CNTNAP1: variants seen among roughly 807,000 people sequenced by gnomAD.
CNTNAP1 encodes the protein contactin associated protein 1.
In CNTNAP1, 80 loss-of-function variants were observed where a neutral mutation model predicts 161.5. The observed-to-expected ratio is 0.50, with a 90% CI of 0.41 to 0.60. The LOEUF (loss-of-function observed/expected upper bound fraction) is 0.60, where lower values mean the gene tolerates loss of function less well. CNTNAP1 is among the 20% of genes least tolerant of loss of function. CNTNAP1 has a pLI of 0.00. For synonymous variants in CNTNAP1, 695 were observed against 733.1 expected (o/e 0.95, Z 0.84); for missense variants, 1,464 against 1,854.8 (o/e 0.79, Z 3.87).
intron 20 of CNTNAP1, 64 bp from the exon 21 acceptor site, chr17:42,697,210 C>T (rs1397223763): frequency 8.8e-7 from 1 of 1,131,772 alleles, no homozygotes; most frequent in East Asian, 2.3e-5. Flanking sequence ...CCAGTCCAGC[C>T]CACAGGCATC....
chr17:42,689,692 C>T, intron 11 of CNTNAP1, 65 bp downstream of exon 11: 1 of 1,331,700 alleles, frequency 7.5e-7, no homozygotes, highest in Non-Finnish European at 1.1e-6. Flanking sequence ...TGCTGGGGAT[C>T]ATCAGGCTGC....
At chr17:42,686,697 G>T (rs1790195274) in intron 6 of CNTNAP1, among the ~76,000 whole-genome samples, 2 of 152,216 alleles carry the variant, frequency 1.3e-5, no homozygotes, top group South Asian at 4.1e-4. Flanking sequence ...TTGCCCAAGG[G>T]CGTGCAGCCG....
chr17:42,683,042 C>G, intron 1 of CNTNAP1, 146 bp downstream of exon 1: 1 of 779,702 alleles, frequency 1.3e-6, no homozygotes, highest in Admixed American at 2.9e-5. Flanking sequence ...CTGCCTCTCC[C>G]CCGCGCTCCG....
Position 42,685,857 on chromosome 17 carries a change from T to G in CNTNAP1, c.716-100T>G. 1.6e-6 allele frequency: 2 copies of G among 1,276,986 alleles called. No homozygotes were observed. The highest frequency in any genetic ancestry group is 4.3e-5 in the Admixed American group (2 of 46,650). 79.1% of individuals were successfully genotyped at this position (1,276,986 alleles called of 1,614,324 possible). On this transcript the variant is annotated intron_variant, in intron 5 of 23. Transcript: ENST00000264638. The surrounding 1 kb of genome is among the most constrained non-coding windows in gnomAD (Gnocchi z 5.0). ...TGATCTATTCGCCCACTCTCCCTGA[T>G]TGCCCTGGGCTTTGTTACACGCTGC...
chr17:42,689,713 G>A (rs1354630091), intron 11 of CNTNAP1, 86 bp downstream of exon 11: 45 of 1,105,336 alleles, frequency 4.1e-5, no homozygotes, highest in Admixed American at 3.7e-4. Flanking sequence ...TAGAGATGGC[G>A]AGGATGGCCC....
Position 42,692,638 on chromosome 17 carries a change from A to G in CNTNAP1, c.2670A>G (p.Arg890=). 7 of 1,614,182 alleles carry G rather than the reference A, an allele frequency of 4.3e-6. No individual in the cohort carries two copies. The South Asian group carries it at 7.7e-5, about 18-fold the overall frequency. The part of the protein sequence containing the change: ...AEINVKQARL[R]VDHRPWVLRP... ...TCAACGTGAAGCAGGCCCGGCTCCG[A>G]GTGGATCACCGGCCCTGGGTTCTGC... Residue 890 remains arginine (R), a synonymous_variant, in exon 17 of 24, where the codon CGA becomes CGG. Coordinates refer to ENST00000264638, the MANE Select transcript of CNTNAP1 (RefSeq NM_003632.3).
rs377605075 is a variant in CNTNAP1, at chr17:42,696,126, C to T, written c.3448C>T (p.Arg1150Cys). The T allele has an allele frequency of 5.6e-6, 9 of 1,614,008 alleles. No homozygotes were observed. The highest frequency in any genetic ancestry group is 7.6e-6 in the Non-Finnish European group (9 of 1,180,032). The part of the protein sequence containing the change: ...DGQPHSINIT[R>C]VYRNLFIQVD... Reference sequence around the variant, plus strand: ...CCAGCCCCATAGCATCAATATCACCCGTGTTTACCGGAACCTCTTCATCCA... The same window carrying T: ...CCAGCCCCATAGCATCAATATCACCTGTGTTTACCGGAACCTCTTCATCCA... The change falls in exon 20 of 24, where the codon CGT (arginine) becomes TGT (cysteine). Residue 1150 changes from arginine to cysteine, a missense_variant. Arg to Cys is a radical substitution (Grantham distance 180). Around this residue, in one of 3 missense-constraint regions of CNTNAP1, gnomAD observed 1,383 missense variants for 1,765.0 expected, o/e 0.78. Coordinates refer to ENST00000264638, the MANE Select transcript of CNTNAP1 (RefSeq NM_003632.3).
In CNTNAP1 at chr17:42,686,212, C is replaced by CCTTTCT; in HGVS notation, c.900+76_900+81dup. On this transcript the variant is annotated intron_variant, in intron 6 of 23. Transcript: ENST00000264638. ...ATGAGTGAGTGCAGGTCGGTCTCTC[C>CCTTTCT]CTTTCTCTTTTCCTCTGTCTCTCAG... is the stretch of plus-strand genomic sequence containing the variant. 7 of 1,474,318 alleles carry CCTTTCT rather than the reference C, an allele frequency of 4.7e-6. No individual in the cohort carries two copies. In the East Asian group the frequency reaches 1.6e-4, roughly 34 times the overall value. 91.3% of individuals were successfully genotyped at this position (1,474,318 alleles called of 1,614,324 possible).
chr17:42,687,461 A>G lies in CNTNAP1; in HGVS notation c.1045-259A>G. ...TCCAAAATTGCCTCTCGATACTGGA[A>G]GGAGAGAAGCGGTCGAATCGCAGAC... On this transcript the variant is annotated intron_variant, in intron 7 of 23. Transcript: ENST00000264638. This position sits in a 1 kb window ranked among gnomAD's most constrained non-coding sequence, Gnocchi z 4.7. 1.8e-6 allele frequency: 1 copy of G among 563,556 alleles called. No homozygotes were observed. The highest frequency in any genetic ancestry group is 3.3e-5 in the Admixed American group (1 of 30,512). 34.9% of individuals were successfully genotyped at this position (563,556 alleles called of 1,614,324 possible).
intron 20 of CNTNAP1, 38 bp downstream of exon 20, chr17:42,696,190 C>T (rs773620904): frequency 2.5e-6 from 4 of 1,609,732 alleles, no homozygotes; most frequent in Admixed American, 1.7e-5. Flanking sequence ...CAGATCATAA[C>T]CTCATGGTCT....
At chr17:42,696,296 T>A in intron 20 of CNTNAP1, 144 bp downstream of exon 20, 1 of 985,030 alleles carries the variant, frequency 1.0e-6, no homozygotes, top group Non-Finnish European at 1.4e-6. Context: ...CATGTAACCC[T>A]CACAATAGCT....
In CNTNAP1 at chr17:42,684,088, A is replaced by G. The variant is rs2052974386; in HGVS notation, c.222A>G (p.Ile74Met). 1 of 1,614,228 alleles carries G rather than the reference A, an allele frequency of 6.2e-7. No individual in the cohort carries two copies. Among genetic ancestry groups the G allele is most frequent in the African/African-American group, 1.3e-5 (1 of 75,058 alleles). The stretch of plus-strand genomic sequence containing the variant: ...GGGATCCGAATCCCTGGCTCCAGAT[A>G]GACTTAATGAAGAAGCACCGGATCC... ...RIGDPNPWLQ[I>M]DLMKKHRIRA... The change falls in exon 3 of 24, where the codon ATA becomes ATG. Residue 74 changes from isoleucine (I) to methionine (M), a missense_variant. Around this residue, in one of 3 missense-constraint regions of CNTNAP1, gnomAD observed 1,383 missense variants for 1,765.0 expected, o/e 0.78. Transcript: ENST00000264638.
Position 42,697,748 on chromosome 17 carries a change from C to T in CNTNAP1, c.3763C>T (p.Arg1255Cys), listed in dbSNP as rs202174111. The T allele has an allele frequency of 6.8e-6, 11 of 1,614,064 alleles. No homozygotes were observed. Among genetic ancestry groups the T allele is most frequent in the African/African-American group, 2.7e-5 (2 of 74,906 alleles). The change falls in exon 22 of 24, where the codon CGT becomes TGT. Residue 1255 changes from arginine to cysteine, a missense_variant. Arg to Cys is a radical substitution (Grantham distance 180). Coordinates refer to ENST00000264638, the MANE Select transcript of CNTNAP1 (RefSeq NM_003632.3). ...CGAATCTAATTGCGGAGCTATGCCACGTCTTGTTTCAGAGGTGCCACCTGA... is the reference window on the plus strand; with the variant it reads ...CGAATCTAATTGCGGAGCTATGCCATGTCTTGTTTCAGAGGTGCCACCTGA... ...LSESNCGAMP[R>C]LVSEVPPELD...
chr17:42,698,100 G>A (rs993546983), intron 23 of CNTNAP1, 150 bp downstream of exon 23: 4 of 904,162 alleles, frequency 4.4e-6, no homozygotes, highest in African/African-American at 3.3e-5. Context: ...TATGCTGAAG[G>A]TGCCATATAA....
At position 42,697,683 on chromosome 17, in the gene CNTNAP1, C is replaced by G; in HGVS notation, c.3698C>G (p.Ala1233Gly). The change falls in exon 22 of 24, where the codon GCT becomes GGT. Residue 1233 changes from alanine to glycine, a missense_variant. Coordinates refer to ENST00000264638, the MANE Select transcript of CNTNAP1 (RefSeq NM_003632.3). Reference sequence around the variant, plus strand: ...TTCCGAACCCCTCGACCCATGACTGCTGAGCTAGCTGAGGCCCTTCGAGTT... The same window carrying G: ...TTCCGAACCCCTCGACCCATGACTGGTGAGCTAGCTGAGGCCCTTCGAGTT... ...THFRTPRPMT[A>G]ELAEALRVQG... 6.2e-7 allele frequency: 1 copy of G among 1,614,194 alleles called. No individual in the cohort carries two copies. Among genetic ancestry groups the G allele is most frequent in the Non-Finnish European group, 8.5e-7 (1 of 1,180,044 alleles).
In CNTNAP1 at chr17:42,699,764, A is replaced by G. The variant is rs2053203693; in HGVS notation, c.*854A>G. 1 of 152,628 alleles carries G rather than the reference A, an allele frequency of 6.6e-6. No homozygotes were observed. The highest frequency in any genetic ancestry group is 1.5e-5 in the Non-Finnish European group (1 of 68,050). 9.5% of individuals were successfully genotyped at this position (152,628 alleles called of 1,614,324 possible). A position where few individuals can be genotyped will look rare whatever the true frequency, so the allele number is the denominator to read the frequency against. On this transcript the variant is annotated 3_prime_UTR_variant, in exon 24 of 24. Transcript: ENST00000264638. Reference sequence around the variant, plus strand: ...TCTCTCTAGAGAAACTCTATATATTATTCGAATTTTTAAATTATTTGTTTA... The same window carrying G: ...TCTCTCTAGAGAAACTCTATATATTGTTCGAATTTTTAAATTATTTGTTTA...
In CNTNAP1 at chr17:42,691,447, G is replaced by T; in HGVS notation, c.2280G>T (p.Gly760=). The change falls in exon 15 of 24, where the codon GGG becomes GGT. Residue 760 remains glycine (G), a synonymous_variant. Coordinates refer to ENST00000264638, the MANE Select transcript of CNTNAP1 (RefSeq NM_003632.3). The surrounding 1 kb of genome is among the most constrained non-coding windows in gnomAD (Gnocchi z 4.3). ...DHLPVTQVVI[G]DTNRSTSEAQ... is the part of the protein sequence containing the mutation. ...TGCCTGTCACTCAGGTAGTGATAGG[G>T]GATACGAACCGCTCCACTTCTGAGG... The T allele has an allele frequency of 6.2e-7, 1 of 1,614,050 alleles. No individual in the cohort carries two copies. The highest frequency in any genetic ancestry group is 8.5e-7 in the Non-Finnish European group (1 of 1,179,998).
In CNTNAP1 at chr17:42,691,860, C is replaced by T. The variant is rs1297158657; in HGVS notation, c.2399C>T (p.Pro800Leu). 3 of 1,614,042 alleles carry T rather than the reference C, an allele frequency of 1.9e-6. No homozygotes were observed. Among genetic ancestry groups the T allele is most frequent in the Admixed American group, 3.3e-5 (2 of 59,998 alleles). The change falls in exon 16 of 24, where the codon CCA becomes CTA. Residue 800 changes from proline (P) to leucine (L), a missense_variant. Physicochemically the swap from Pro to Leu is moderately conservative, Grantham distance 98. Transcript: ENST00000264638. This position sits in a 1 kb window ranked among gnomAD's most constrained non-coding sequence, Gnocchi z 4.3. ...FHTGAALRFPPIRANHSLDVS... is the reference protein window; with the variant it reads ...FHTGAALRFPLIRANHSLDVS... ...ACCGGGGCTGCACTACGCTTCCCCC[C>T]AATCCGTGCCAACCACAGCCTGGAT...
At position 42,683,572 on chromosome 17, in the gene CNTNAP1, G is replaced by A; in HGVS notation, c.68-249G>A. On this transcript the variant is annotated intron_variant, in intron 1 of 23. Transcript: ENST00000264638. ...ACCAGGGCAGGTATTGGGCTAGCTA[G>A]GGAGGGTCTGGCCTTGGGCCTATAG... The A allele has an allele frequency of 1.4e-5, 19 of 1,369,982 alleles. No homozygotes were observed. The South Asian group carries it at 3.1e-4, about 23-fold the overall frequency. The allele number at this position is 1,369,982 out of a possible 1,614,324, so 84.9% of individuals were successfully genotyped here. A position where few individuals can be genotyped will look rare whatever the true frequency, so the allele number is the denominator to read the frequency against.
Sources: gnomAD v4.1 joint callset for allele counts (sites outside exome capture counted in the v4.1 genomes callset) on GRCh38, gnomAD v4.1.1 for gene constraint, gnomAD v4.1.1 regional missense constraint, Gnocchi (gnomAD v3.1) non-coding constraint, MANE v1.5 for transcripts, NCBI Gene and HGNC (gene_info 2026-07-23, HGNC 2026-07-21) for gene names.